CDH12: variants seen among roughly 807,000 people sequenced by gnomAD.
The protein encoded by CDH12 is cadherin-12.
In CDH12, 41 loss-of-function variants were observed where a neutral mutation model predicts 74.1. That is an observed-to-expected ratio of 0.55 (90% CI 0.43 to 0.72). The LOEUF (loss-of-function observed/expected upper bound fraction) is 0.72, where lower values mean the gene tolerates loss of function less well. Ranked by LOEUF, CDH12 falls within the 30% of genes least tolerant of loss-of-function variation. The pLI, the probability that CDH12 is intolerant of heterozygous loss-of-function variation, is 0.00. For missense variants in CDH12, 945 were observed against 977.2 expected, an observed-to-expected ratio of 0.97 and a Z score of 0.44; for synonymous variants, 399 against 355.0, an observed-to-expected ratio of 1.12 and a Z score of -1.39.
At chr5:22,291,976 C>A (rs970432324) in intron 3 of CDH12, among the ~76,000 whole-genome samples, 27 of 152,108 alleles carry the variant, frequency 1.8e-4, no homozygotes, top group African/African-American at 6.5e-4. Flanking sequence ...CTGTTGTAAA[C>A]AAAACAGCAT....
chr5:22,741,852 G>T (rs1358405687), intron 1 of CDH12, among the ~76,000 whole-genome samples: 2 of 152,180 alleles, frequency 1.3e-5, no homozygotes, highest in African/African-American at 4.8e-5. Flanking sequence ...TCCATACAGA[G>T]AATTTCTTAT....
At chr5:22,846,584 A>G (rs1484409774) in intron 1 of CDH12, among the ~76,000 whole-genome samples, 1 of 152,234 alleles carries the variant, frequency 6.6e-6, no homozygotes, top group Non-Finnish European at 1.5e-5. Context: ...TGTGAAAAAA[A>G]TCATCTAAAC....
At chr5:22,464,953 G>A (rs1276329370) in intron 2 of CDH12, among the ~76,000 whole-genome samples, 1 of 148,914 alleles carries the variant, frequency 6.7e-6, no homozygotes, top group African/African-American at 2.5e-5. Flanking sequence ...AGTGAGCCGA[G>A]ATTGCACCAG....
chr5:22,189,850 T>TCA (rs1554019139), intron 4 of CDH12, among the ~76,000 whole-genome samples: 3 of 152,088 alleles, frequency 2.0e-5, no homozygotes, highest in African/African-American at 7.2e-5. Context: ...TACCACATCT[T>TCA]CCCCCCGCCT....
chr5:21,881,572 C>T (rs921872213), intron 6 of CDH12, among the ~76,000 whole-genome samples: 1 of 152,098 alleles, frequency 6.6e-6, no homozygotes, highest in Non-Finnish European at 1.5e-5. Context: ...TTTGGACATT[C>T]TTGGCACAAC....
intron 1 of CDH12, among the ~76,000 whole-genome samples, chr5:22,564,572 A>T (rs1222744703): frequency 1.3e-5 from 2 of 150,850 alleles, no homozygotes; most frequent in Non-Finnish European, 3.0e-5. Flanking sequence ...TTTCTTTTAA[A>T]TTTTTTACTT....
intron 3 of CDH12, among the ~76,000 whole-genome samples, chr5:22,322,414 G>A (rs1281745516): frequency 4.7e-5 from 7 of 149,910 alleles, no homozygotes; most frequent in Non-Finnish European, 1.0e-4. Context: ...TTATTCACAA[G>A]AGCAAGAAAA....
chr5:21,994,295 G>A (rs1164200298), intron 5 of CDH12, among the ~76,000 whole-genome samples: 1 of 144,302 alleles, frequency 6.9e-6, no homozygotes, highest in East Asian at 1.9e-4. Context: ...AAGGGAGACA[G>A]AGGTAAGAAA....
intron 6 of CDH12, among the ~76,000 whole-genome samples, chr5:21,886,972 C>T (rs527380924): frequency 1.4e-4 from 21 of 152,170 alleles, no homozygotes; most frequent in Non-Finnish European, 1.9e-4. Flanking sequence ...TTAGTTTCCT[C>T]TAGTGTGCCA....
intron 1 of CDH12, among the ~76,000 whole-genome samples, chr5:22,636,776 C>A (rs547734523): frequency 1.3e-5 from 2 of 152,104 alleles, no homozygotes; most frequent in Non-Finnish European, 2.9e-5. Flanking sequence ...ATACTAAAAA[C>A]CATTACATTT....
At chr5:22,502,749 T>A (rs1280915902) in intron 2 of CDH12, among the ~76,000 whole-genome samples, 1 of 151,936 alleles carries the variant, frequency 6.6e-6, no homozygotes, top group Non-Finnish European at 1.5e-5. Flanking sequence ...CTCCACATCC[T>A]ATAAAAGATA....
chr5:21,753,405 T>C (rs1744206682), intron 14 of CDH12, among the ~76,000 whole-genome samples: 1 of 152,178 alleles, frequency 6.6e-6, no homozygotes, highest in Non-Finnish European at 1.5e-5. Flanking sequence ...ACATGATTGT[T>C]TGTTCCTCTA....
intron 5 of CDH12, among the ~76,000 whole-genome samples, chr5:21,978,564 T>C (rs1580058575): frequency 1.3e-5 from 2 of 152,184 alleles, no homozygotes; most frequent in African/African-American, 4.8e-5. Flanking sequence ...TATCTATCTA[T>C]ATATATACAC....
In CDH12 at chr5:22,449,244, G is replaced by A. The variant is rs148268502; in HGVS notation, c.-427-43893C>T. 2.2e-3 allele frequency among the ~76,000 whole-genome samples: 337 copies of A among 152,016 alleles called. 2 individuals are homozygous for A. The highest frequency in any genetic ancestry group is 7.7e-3 in the African/African-American group (320 of 41,494). On this transcript the variant is annotated intron_variant, in intron 2 of 14. Transcript: ENST00000382254. The stretch of plus-strand genomic sequence containing the variant: ...GTTTCCAACACCCTTGAGCACAATT[G>A]CACACCATTTTCATATACAAGTTAA...
intron 3 of CDH12, among the ~76,000 whole-genome samples, chr5:22,273,145 GAC>G (rs1736476564): frequency 6.6e-6 from 1 of 152,126 alleles, no homozygotes; most frequent in Non-Finnish European, 1.5e-5. Context: ...TTTGGGTGGG[GAC>G]ACAGAGTCAG....
At chr5:22,326,274 G>T (rs1298540046) in intron 3 of CDH12, among the ~76,000 whole-genome samples, 3 of 150,172 alleles carry the variant, frequency 2.0e-5, no homozygotes, top group Non-Finnish European at 4.4e-5. Context: ...TCCCTCTGTC[G>T]CCCAGGCTGG....
chr5:22,153,088 TA>T (rs1432597684), intron 4 of CDH12, among the ~76,000 whole-genome samples: 5 of 152,140 alleles, frequency 3.3e-5, no homozygotes, highest in Non-Finnish European at 4.4e-5. Context: ...CAGATATTTT[TA>T]CAGGGTGGTG....
In CDH12 at chr5:21,883,649, C is replaced by T. The variant is rs1224582261; in HGVS notation, c.527-28859G>A. On this transcript the variant is annotated intron_variant, in intron 6 of 14. Transcript: ENST00000382254. ...TTGGAGAGGTCATTGTGACCAAAGA[C>T]GATGCCATGCTCTTAAAAGGAAAAG... The T allele has an allele frequency of 5.6e-5, 91 of 1,611,712 alleles. 1 individual carries two copies. Among genetic ancestry groups the T allele is most frequent in the South Asian group, 3.4e-4 (31 of 91,020 alleles).
At chr5:22,597,533 C>T (rs1403010704) in intron 1 of CDH12, among the ~76,000 whole-genome samples, 2 of 152,122 alleles carry the variant, frequency 1.3e-5, no homozygotes, top group African/African-American at 2.4e-5. Flanking sequence ...ATGACTGATT[C>T]CTCATTATTC....
Sources: allele counts gnomAD v4.1 joint callset (sites outside exome capture counted in the v4.1 genomes callset), GRCh38; gene constraint gnomAD v4.1.1; transcripts MANE v1.5; gene names NCBI Gene and HGNC (gene_info 2026-07-23, HGNC 2026-07-21).